ENOX1: variants seen among roughly 807,000 people sequenced by gnomAD.
ENOX1 encodes the protein candidate growth-related and time keeping constitutive hydroquinone (NADH) oxidase.
Under a neutral mutation model 82.5 loss-of-function variants are expected in ENOX1, and 42 were observed. That is an observed-to-expected ratio of 0.51 (90% CI 0.40 to 0.66). The LOEUF (loss-of-function observed/expected upper bound fraction) is 0.66. Ranked by LOEUF, ENOX1 falls within the 30% of genes least tolerant of loss-of-function variation. ENOX1 has a pLI of 0.00. For missense variants in ENOX1, 608 were observed against 811.6 expected, an observed-to-expected ratio of 0.75 and a Z score of 3.05; for synonymous variants, 271 against 282.2, an observed-to-expected ratio of 0.96 and a Z score of 0.40.
intron 1 of ENOX1, among the ~76,000 whole-genome samples, chr13:43,710,479 C>T (rs1419176017): frequency 1.3e-5 from 2 of 152,018 alleles, no homozygotes; most frequent in African/African-American, 4.8e-5. Flanking sequence ...GGTTATATAG[C>T]AAAATGTACA....
chr13:43,394,845 C>T (rs1180602500), intron 5 of ENOX1: 1 of 148,798 alleles, frequency 6.7e-6, no homozygotes, highest in Non-Finnish European at 1.5e-5. Flanking sequence ...CCTCCCCTCC[C>T]CACATAATAA....
In ENOX1 at chr13:43,637,211, A is replaced by C. The variant is rs1012393244; in HGVS notation, c.-219+30268T>G. 5.3e-5 allele frequency among the ~76,000 whole-genome samples: 8 copies of C among 152,284 alleles called. No individual in the cohort carries two copies. The South Asian group carries it at 6.2e-4, about 12-fold the overall frequency. ...GCCCAGAGCTCCCTACTTTTTATGG[A>C]ATTCCAACTCTGACACAACACTCAT... On this transcript the variant is annotated intron_variant, in intron 2 of 16. Transcript: ENST00000690772.
At chr13:43,598,473 T>C (rs1314081762) in intron 2 of ENOX1, among the ~76,000 whole-genome samples, 1 of 152,160 alleles carries the variant, frequency 6.6e-6, no homozygotes, top group Admixed American at 6.5e-5. Flanking sequence ...AAGCATGTTC[T>C]GTGGTTTAGA....
chr13:43,552,359 A>G (rs1019905223), intron 2 of ENOX1, among the ~76,000 whole-genome samples: 1 of 151,784 alleles, frequency 6.6e-6, no homozygotes, highest in African/African-American at 2.4e-5. Flanking sequence ...AAAAAAAAAA[A>G]AAAAGAAAAC....
chr13:43,730,322 A>C (rs9525830), intron 1 of ENOX1, among the ~76,000 whole-genome samples: 48,625 of 151,930 alleles, frequency 0.32, 8,200 homozygotes, highest in East Asian at 0.48. Context: ...ATCTTTGTCC[A>C]TAAACCTTAT....
chr13:43,689,167 G>A (rs184847135), intron 1 of ENOX1, among the ~76,000 whole-genome samples: 1 of 152,294 alleles, frequency 6.6e-6, no homozygotes, highest in Non-Finnish European at 1.5e-5. Flanking sequence ...AGCTGTGTTT[G>A]TTTCTAGGAT....
At chr13:43,706,632 T>A (rs1432279232) in intron 1 of ENOX1, among the ~76,000 whole-genome samples, 1 of 151,098 alleles carries the variant, frequency 6.6e-6, no homozygotes, top group African/African-American at 2.4e-5. Flanking sequence ...ATTAACAATA[T>A]ATGGGTAAAA....
At chr13:43,470,273 C>T (rs573642014) in intron 3 of ENOX1, among the ~76,000 whole-genome samples, 26 of 44,970 alleles carry the variant, frequency 5.8e-4, no homozygotes, top group African/African-American at 1.6e-3. Flanking sequence ...TATATATACA[C>T]ATATATATAC....
intron 8 of ENOX1, among the ~76,000 whole-genome samples, chr13:43,348,088 C>T (rs1293003666): frequency 2.0e-5 from 3 of 152,206 alleles, no homozygotes; most frequent in Non-Finnish European, 4.4e-5. Context: ...CCTGCATCTG[C>T]TCATGCTGTG....
intron 14 of ENOX1, among the ~76,000 whole-genome samples, chr13:43,245,315 G>A (rs2043030548): frequency 1.3e-5 from 2 of 152,190 alleles, no homozygotes; most frequent in African/African-American, 4.8e-5. Flanking sequence ...CTGATTCCAT[G>A]CCTGCTCTGT....
chr13:43,276,481 C>G (rs1685987748), intron 12 of ENOX1, among the ~76,000 whole-genome samples: 1 of 152,150 alleles, frequency 6.6e-6, no homozygotes, highest in Non-Finnish European at 1.5e-5. Context: ...ATCCCACCGC[C>G]CCACAGCTTA....
At chr13:43,259,769 C>T (rs763177741) in intron 14 of ENOX1, among the ~76,000 whole-genome samples, 19 of 152,066 alleles carry the variant, frequency 1.2e-4, no homozygotes, top group Non-Finnish European at 1.9e-4. Context: ...CCACCGTGCC[C>T]GGCCTTATTT....
intron 3 of ENOX1, among the ~76,000 whole-genome samples, chr13:43,461,791 T>C (rs1357289802): frequency 6.6e-6 from 1 of 152,214 alleles, no homozygotes; most frequent in African/African-American, 2.4e-5. Context: ...AATAATACAG[T>C]TCACCTTTTG....
intron 1 of ENOX1, among the ~76,000 whole-genome samples, chr13:43,674,560 T>C (rs1211586036): frequency 6.6e-6 from 1 of 151,710 alleles, no homozygotes; most frequent in Non-Finnish European, 1.5e-5. Context: ...AAAATATCCA[T>C]GGCTGCCAGG....
chr13:43,397,052 C>A (rs547723917), intron 5 of ENOX1, among the ~76,000 whole-genome samples: 1 of 152,210 alleles, frequency 6.6e-6, no homozygotes, highest in South Asian at 2.1e-4. Context: ...CCTTCCCAGT[C>A]TTCTCCGGTG....
intron 12 of ENOX1, among the ~76,000 whole-genome samples, chr13:43,297,544 G>A (rs1407409574): frequency 6.6e-6 from 1 of 152,028 alleles, no homozygotes; most frequent in Non-Finnish European, 1.5e-5. Flanking sequence ...AACACCTTAA[G>A]AATATCAGGT....
intron 4 of ENOX1, among the ~76,000 whole-genome samples, 154 bp downstream of exon 4, chr13:43,412,691 C>A (rs915701699): frequency 2.6e-5 from 4 of 152,198 alleles, no homozygotes; most frequent in Non-Finnish European, 4.4e-5. Context: ...TCAAATTTGA[C>A]TTAGTGCTCT....
chr13:43,555,115 T>A (rs76894952), intron 2 of ENOX1, among the ~76,000 whole-genome samples: 1 of 151,956 alleles, frequency 6.6e-6, no homozygotes, highest in Non-Finnish European at 1.5e-5. Context: ...TAGTAAATTA[T>A]AAAAAAAATT....
intron 14 of ENOX1, among the ~76,000 whole-genome samples, chr13:43,247,974 C>T (rs1357061160): frequency 7.3e-6 from 1 of 136,220 alleles, no homozygotes; most frequent in Non-Finnish European, 1.6e-5. Context: ...CAAGCTCCGC[C>T]TCCCGGGTTC....
Sources: gnomAD v4.1 joint callset for allele counts (sites outside exome capture counted in the v4.1 genomes callset) on GRCh38, gnomAD v4.1.1 for gene constraint, MANE v1.5 for transcripts, NCBI Gene and HGNC (gene_info 2026-07-23, HGNC 2026-07-21) for gene names.